Variants in DNAI1 observed in about 807,000 individuals in gnomAD.
DNAI1 encodes the protein dynein, axonemal, intermediate polypeptide 1.
Under a neutral mutation model 92.0 loss-of-function variants are expected in DNAI1, and 67 were observed. That is an observed-to-expected ratio of 0.73 (90% CI 0.60 to 0.89). DNAI1 has a LOEUF of 0.89. DNAI1 is among the 40% of genes least tolerant of loss of function. DNAI1 has a pLI of 0.00. For synonymous variants in DNAI1, 323 were observed against 319.6 expected (o/e 1.01, Z -0.11); for missense variants, 839 against 866.6 (o/e 0.97, Z 0.40).
chr9:34,511,975 T>C (rs1397443118), intron 13 of DNAI1, 134 bp from the exon 14 acceptor site: 3 of 780,766 alleles, frequency 3.8e-6, no homozygotes, highest in Non-Finnish European at 6.9e-6. Context: ...GGACCAATCA[T>C]GGGATTCTGG....
In DNAI1 at chr9:34,489,365, G is replaced by A. The variant is rs1824534808; in HGVS notation, c.304G>A (p.Val102Ile). The A allele has an allele frequency of 1.2e-6, 2 of 1,614,148 alleles. No individual in the cohort carries two copies. Among genetic ancestry groups the A allele is most frequent in the East Asian group, 4.5e-5 (2 of 44,868 alleles). ...KPIGFVNQLA[V>I]HYTQVGNLIP... ...TATTGGCTTTGTGAACCAACTGGCAGTTCACTACACCCAGGTTGGGAACCT... is the reference window on the plus strand; with the variant it reads ...TATTGGCTTTGTGAACCAACTGGCAATTCACTACACCCAGGTTGGGAACCT... Residue 102 changes from valine (V) to isoleucine (I), a missense_variant, in exon 5 of 20, where the codon GTT (valine) becomes ATT (isoleucine). Val to Ile is a conservative substitution (Grantham distance 29). Transcript: ENST00000242317.
intron 15 of DNAI1, among the ~76,000 whole-genome samples, chr9:34,512,664 G>T (rs1825089896): frequency 6.6e-6 from 1 of 152,122 alleles, no homozygotes; most frequent in African/African-American, 2.4e-5. Flanking sequence ...ATGCAGATCA[G>T]GTGCTGTTAT....
chr9:34,501,311 G>A (rs1824826978), intron 12 of DNAI1, 130 bp downstream of exon 12: 1 of 802,038 alleles, frequency 1.2e-6, no homozygotes, highest in African/African-American at 1.7e-5. Flanking sequence ...ACAGTCTAAT[G>A]GGGAAGACCC....
intron 1 of DNAI1, among the ~76,000 whole-genome samples, chr9:34,467,870 C>G (rs1824066809): frequency 6.6e-6 from 1 of 152,194 alleles, no homozygotes; most frequent in Admixed American, 6.5e-5. Context: ...CACATTTACC[C>G]TTGCTCTCTG....
At chr9:34,482,560 G>A (rs963191523) in intron 1 of DNAI1, among the ~76,000 whole-genome samples, 3 of 151,696 alleles carry the variant, frequency 2.0e-5, no homozygotes, top group Admixed American at 2.0e-4. Flanking sequence ...CCTCACCAGA[G>A]CAGCTAGATA....
chr9:34,481,499 C>T (rs1173843310), intron 1 of DNAI1, among the ~76,000 whole-genome samples: 1 of 152,176 alleles, frequency 6.6e-6, no homozygotes, highest in Non-Finnish European at 1.5e-5. Flanking sequence ...GCTCAACCTC[C>T]TTTTGTGTCT....
intron 18 of DNAI1, among the ~76,000 whole-genome samples, chr9:34,515,938 G>A (rs1825163708): frequency 6.6e-6 from 1 of 152,194 alleles, no homozygotes; most frequent in Middle Eastern, 3.4e-3. Context: ...TCTCAATAAA[G>A]TTGTTACATT....
intron 8 of DNAI1, among the ~76,000 whole-genome samples, chr9:34,492,534 A>ATATATG: frequency 8.1e-6 from 1 of 123,614 alleles, no homozygotes; most frequent in Non-Finnish European, 1.7e-5. Context: ...ATATATATAT[A>ATATATG]TTTGAGACAA....
At chr9:34,506,213 C>T (rs1381451855) in intron 12 of DNAI1, among the ~76,000 whole-genome samples, 1 of 152,130 alleles carries the variant, frequency 6.6e-6, no homozygotes, top group African/African-American at 2.4e-5. Flanking sequence ...CCATATTTAG[C>T]TGGGGGGAGG....
chr9:34,478,085 C>T (rs1049614512), intron 1 of DNAI1, among the ~76,000 whole-genome samples: 2 of 152,030 alleles, frequency 1.3e-5, no homozygotes, highest in African/African-American at 4.8e-5. Flanking sequence ...TAGGGTTTCA[C>T]GATGTTGCCC....
chr9:34,516,390 A>C (rs1825171100), intron 18 of DNAI1, among the ~76,000 whole-genome samples: 1 of 152,194 alleles, frequency 6.6e-6, no homozygotes, highest in Non-Finnish European at 1.5e-5. Flanking sequence ...CAAGAGTGGA[A>C]GCGGGGAGAC....
chr9:34,485,239 C>A lies in DNAI1; in HGVS notation c.179C>A (p.Ala60Glu), dbSNP rs16931549. The A allele has an allele frequency of 6.2e-7, 1 of 1,613,984 alleles. No individual in the cohort carries two copies. The highest frequency in any genetic ancestry group is 1.3e-5 in the African/African-American group (1 of 74,880). Residue 60 changes from alanine (A) to glutamate (E), a missense_variant and splice_region_variant, in exon 3 of 20, where the codon GCG becomes GAG. Transcript: ENST00000242317. ...RPPDQLELTDAELKEEFTRIL... is the reference protein window; with the variant it reads ...RPPDQLELTDEELKEEFTRIL... The stretch of plus-strand genomic sequence containing the variant: ...CCTGACCAGCTGGAGTTGACCGATG[C>A]GGTGAGTGAGTAGCCTCTTGTTCTT...
Position 34,517,453 on chromosome 9 carries a change from C to T in DNAI1, c.1987C>T (p.Arg663Cys), listed in dbSNP as rs564706097. Residue 663 changes from arginine (R) to cysteine (C), a missense_variant, in exon 19 of 20, where the codon CGC becomes TGC. Transcript: ENST00000242317. ...CAGCCTCAAGCTCTCACCCAATTTGCGCAAGATGCCAAAGGTACAGGCTCT... is the reference window on the plus strand; with the variant it reads ...CAGCCTCAAGCTCTCACCCAATTTGTGCAAGATGCCAAAGGTACAGGCTCT... ...IISLKLSPNL[R>C]KMPKEKKGQE... 38 of 1,614,048 alleles carry T rather than the reference C, an allele frequency of 2.4e-5. 1 individual carries two copies. Among genetic ancestry groups the T allele is most frequent in the Middle Eastern group, 1.6e-4 (1 of 6,084 alleles).
In DNAI1 at chr9:34,514,654, T is replaced by C. The variant is rs1825138972; in HGVS notation, c.1733T>C (p.Ile578Thr). Reference protein sequence around the residue: ...WDHTIKTPMFIYDLNSAVGDV... With the variant: ...WDHTIKTPMFTYDLNSAVGDV... ...CACCTCTGCAGGACCCCGATGTTCA[T>C]CTATGACCTGAACTCAGCCGTGGGT... Residue 578 changes from isoleucine (I) to threonine (T), a missense_variant, in exon 18 of 20, where the codon ATC becomes ACC. By Grantham distance (89) the Ile-to-Thr change is moderately conservative. Coordinates refer to ENST00000242317, the MANE Select transcript of DNAI1 (RefSeq NM_012144.4). The C allele has an allele frequency of 1.9e-6, 3 of 1,614,210 alleles. No individual in the cohort carries two copies. Among genetic ancestry groups the C allele is most frequent in the South Asian group, 1.1e-5 (1 of 91,088 alleles).
chr9:34,514,661 C>T lies in DNAI1; in HGVS notation c.1740C>T (p.Asp580=), dbSNP rs1432683133. ...GCAGGACCCCGATGTTCATCTATGACCTGAACTCAGCCGTGGGTGATGTGG... is the reference window on the plus strand; with the variant it reads ...GCAGGACCCCGATGTTCATCTATGATCTGAACTCAGCCGTGGGTGATGTGG... ...HTIKTPMFIY[D]LNSAVGDVAW... The change falls in exon 18 of 20, where the codon GAC becomes GAT. Residue 580 remains aspartate, a synonymous_variant. Coordinates refer to ENST00000242317, the MANE Select transcript of DNAI1 (RefSeq NM_012144.4). 5.6e-6 allele frequency: 9 copies of T among 1,614,204 alleles called. No individual in the cohort carries two copies. Among genetic ancestry groups the T allele is most frequent in the Non-Finnish European group, 7.6e-6 (9 of 1,180,048 alleles).
chr9:34,519,157 A>AT (rs1825221826), intron 19 of DNAI1, among the ~76,000 whole-genome samples: 1 of 152,112 alleles, frequency 6.6e-6, no homozygotes, highest in South Asian at 2.1e-4. Context: ...CAGCCAAGTG[A>AT]TTCATGCAAA....
At chr9:34,509,007 C>T (rs1239848682) in intron 13 of DNAI1, among the ~76,000 whole-genome samples, 3 of 152,222 alleles carry the variant, frequency 2.0e-5, no homozygotes, top group Non-Finnish European at 1.5e-5. Context: ...CATTCACTTA[C>T]TCATTCATAC....
At chr9:34,501,067 TG>T (rs1349867207) in intron 11 of DNAI1, 70 bp from the exon 12 acceptor site, 2 of 1,327,294 alleles carry the variant, frequency 1.5e-6, no homozygotes, top group African/African-American at 2.9e-5. Context: ...CCAGTGCCAA[TG>T]GGAAGGCCCT....
chr9:34,502,858 G>A (rs747869906), intron 12 of DNAI1, among the ~76,000 whole-genome samples: 2 of 152,200 alleles, frequency 1.3e-5, no homozygotes, highest in African/African-American at 4.8e-5. Flanking sequence ...TGGTTTCTTC[G>A]TTGGTGACAT....
Sources: allele counts gnomAD v4.1 joint callset (sites outside exome capture counted in the v4.1 genomes callset), GRCh38; gene constraint gnomAD v4.1.1; transcripts MANE v1.5; gene names NCBI Gene and HGNC (gene_info 2026-07-23, HGNC 2026-07-21).